The following AP3B1 variants were observed in gnomAD, a reference collection of about 807,000 sequenced individuals.
AP3B1 encodes the protein adaptor related protein complex 3 subunit beta 1, also known as AP-3 complex subunit beta-1.
A neutral mutation model predicts 132.5 loss-of-function variants in AP3B1; 61 were observed. The ratio of observed to expected loss-of-function variants is 0.46; its 90% CI spans 0.37 to 0.57. The LOEUF is 0.57. Ranked by LOEUF, AP3B1 falls within the 20% of genes least tolerant of loss-of-function variation. AP3B1 has a pLI of 0.00. For missense variants in AP3B1, 1,120 were observed against 1,289.4 expected (o/e 0.87, Z 2.01); for synonymous variants, 388 against 438.3 (o/e 0.89, Z 1.43).
intron 1 of AP3B1, among the ~76,000 whole-genome samples, chr5:78,278,598 CAAAAAAAAAAAA>C (rs1181601782): frequency 1.9e-4 from 2 of 10,318 alleles, no homozygotes; most frequent in African/African-American, 5.9e-4. Flanking sequence ...GACTCCGTCT[CAAAAAAAAAAAA>C]AAAAAAAAAA....
chr5:78,122,778 A>C (rs1426180080), intron 17 of AP3B1, among the ~76,000 whole-genome samples: 1 of 152,196 alleles, frequency 6.6e-6, no homozygotes, highest in Non-Finnish European at 1.5e-5. Context: ...TGCCCAAGGT[A>C]ATTTATAGAT....
chr5:78,200,413 T>A (rs1745243516), intron 7 of AP3B1, among the ~76,000 whole-genome samples: 1 of 152,090 alleles, frequency 6.6e-6, no homozygotes, highest in Non-Finnish European at 1.5e-5. Flanking sequence ...ATCCCAGCAC[T>A]TTGGGAGGCT....
At chr5:78,076,762 C>G (rs1366820975) in intron 22 of AP3B1, among the ~76,000 whole-genome samples, 2 of 152,140 alleles carry the variant, frequency 1.3e-5, no homozygotes, top group African/African-American at 4.8e-5. Context: ...TCAATAAAGA[C>G]TCTGGATGTC....
At chr5:78,103,301 G>A (rs1751203044) in intron 20 of AP3B1, among the ~76,000 whole-genome samples, 1 of 152,084 alleles carries the variant, frequency 6.6e-6, no homozygotes, top group Non-Finnish European at 1.5e-5. Context: ...CAGAACCTGG[G>A]TAAATGCATA....
intron 26 of AP3B1, 59 bp from the exon 27 acceptor site, chr5:78,003,114 A>G: frequency 6.5e-7 from 1 of 1,545,910 alleles, no homozygotes; most frequent in Non-Finnish European, 8.9e-7. Flanking sequence ...AGGAGATAGC[A>G]TACATTCAAA....
intron 11 of AP3B1, among the ~76,000 whole-genome samples, chr5:78,171,630 G>A (rs1309445046): frequency 6.6e-6 from 1 of 152,210 alleles, no homozygotes; most frequent in Non-Finnish European, 1.5e-5. Flanking sequence ...AACTTAAGGA[G>A]ATTTTGGGCT....
At chr5:78,218,767 G>A (rs1197085126) in intron 6 of AP3B1, among the ~76,000 whole-genome samples, 1 of 152,204 alleles carries the variant, frequency 6.6e-6, no homozygotes. Flanking sequence ...ATCACAAGAA[G>A]TGCATCAAGG....
intron 9 of AP3B1, among the ~76,000 whole-genome samples, chr5:78,176,648 T>C (rs1039128210): frequency 1.3e-5 from 2 of 152,220 alleles, no homozygotes; most frequent in Admixed American, 1.3e-4. Flanking sequence ...GAAACAAATG[T>C]CTGAATTAAA....
intron 1 of AP3B1, among the ~76,000 whole-genome samples, chr5:78,282,845 T>C (rs1749115501): frequency 9.3e-6 from 1 of 107,306 alleles, no homozygotes; most frequent in Non-Finnish European, 2.0e-5. Flanking sequence ...GACTTGTCTC[T>C]ACCAAAAAAA....
chr5:78,202,066 G>A (rs1745313011), intron 7 of AP3B1, among the ~76,000 whole-genome samples: 1 of 152,108 alleles, frequency 6.6e-6, no homozygotes, highest in African/African-American at 2.4e-5. Context: ...ATGGGGGTAA[G>A]TCTTTCCCGT....
At chr5:78,111,817 T>C (rs1406161278) in intron 19 of AP3B1, among the ~76,000 whole-genome samples, 1 of 152,216 alleles carries the variant, frequency 6.6e-6, no homozygotes, top group Admixed American at 6.5e-5. Context: ...ACTAATTATC[T>C]AATTTAAATG....
intron 17 of AP3B1, among the ~76,000 whole-genome samples, chr5:78,120,698 C>A (rs867521394): frequency 6.6e-6 from 1 of 151,918 alleles, no homozygotes; most frequent in African/African-American, 2.4e-5. Flanking sequence ...TAAAGCAAGT[C>A]CTGAGTGACC....
intron 22 of AP3B1, among the ~76,000 whole-genome samples, chr5:78,078,310 C>G (rs757814699): frequency 5.3e-5 from 8 of 152,092 alleles, no homozygotes; most frequent in Non-Finnish European, 8.8e-5. Context: ...TAAAAGTTAC[C>G]AAATTCTTCC....
intron 23 of AP3B1, among the ~76,000 whole-genome samples, chr5:78,034,843 G>C (rs1580263692): frequency 6.6e-6 from 1 of 151,718 alleles, no homozygotes; most frequent in East Asian, 1.9e-4. Flanking sequence ...ACTATGGCAT[G>C]TTTATTCTAG....
intron 22 of AP3B1, among the ~76,000 whole-genome samples, chr5:78,047,738 A>G (rs914739074): frequency 2.0e-5 from 3 of 152,216 alleles, no homozygotes; most frequent in Non-Finnish European, 4.4e-5. Context: ...TGTGGGGCTC[A>G]GAGAAGTGAT....
intron 14 of AP3B1, among the ~76,000 whole-genome samples, chr5:78,154,249 T>C (rs1580416872): frequency 6.6e-6 from 1 of 152,192 alleles, no homozygotes; most frequent in Admixed American, 6.5e-5. Context: ...TAAAAGTTGT[T>C]TTCTTTTGGC....
At chr5:78,129,791 C>A (rs190635522) in intron 15 of AP3B1, among the ~76,000 whole-genome samples, 2 of 152,200 alleles carry the variant, frequency 1.3e-5, no homozygotes, top group Non-Finnish European at 2.9e-5. Flanking sequence ...TGCACTCTGA[C>A]TGCACTCAGT....
At chr5:78,283,745 A>G (rs1377154927) in intron 1 of AP3B1, among the ~76,000 whole-genome samples, 3 of 152,198 alleles carry the variant, frequency 2.0e-5, no homozygotes, top group Non-Finnish European at 4.4e-5. Context: ...TACTCTATCC[A>G]TCTGTGTTTC....
chr5:78,221,559 T>C (rs1223884499), intron 6 of AP3B1, among the ~76,000 whole-genome samples: 4 of 151,674 alleles, frequency 2.6e-5, no homozygotes, highest in Admixed American at 1.3e-4. Flanking sequence ...AATTGCAAGG[T>C]GCCCTTCGAA....
Sources: gnomAD v4.1 joint callset for allele counts (sites outside exome capture counted in the v4.1 genomes callset) on GRCh38, gnomAD v4.1.1 for gene constraint, MANE v1.5 for transcripts, NCBI Gene and HGNC (gene_info 2026-07-23, HGNC 2026-07-21) for gene names.